AP1G2: variants seen among roughly 807,000 people sequenced by gnomAD.
AP1G2 encodes the protein adaptor related protein complex 1 subunit gamma 2, also known as AP-1 complex subunit gamma-like 2.
AP1G2 carries 85 observed loss-of-function variants against 95.8 expected under a neutral mutation model. The observed-to-expected ratio is 0.89, with a 90% CI of 0.74 to 1.06. The LOEUF is 1.06. Ranked by LOEUF, AP1G2 falls within the 50% of genes least tolerant of loss-of-function variation. The pLI, the probability that AP1G2 is intolerant of heterozygous loss-of-function variation, is 0.00. For missense variants in AP1G2, 967 were observed against 1,005.8 expected (o/e 0.96, Z 0.52); for synonymous variants, 378 against 400.0 (o/e 0.94, Z 0.66).
intron 14 of AP1G2, 64 bp from the exon 15 acceptor site, chr14:23,562,657 C>T: frequency 6.5e-7 from 1 of 1,536,160 alleles, no homozygotes; most frequent in South Asian, 1.2e-5. Flanking sequence ...AATCCCAGCG[C>T]ATTGGGAGGC....
chr14:23,561,354 G>A lies in AP1G2; in HGVS notation c.1935C>T (p.Pro645=). ...GDVQHPPHLD[P]SPGGALVHLL... ...GGTGTACCAGGGCACCTCCTGGGGA[G>A]GGGTCCAGATGGGGAGGATGCTGGA... is the stretch of plus-strand genomic sequence containing the variant. Residue 645 remains proline, a synonymous_variant, in exon 19 of 22, where the codon CCC becomes CCT. Transcript: ENST00000397120. The A allele has an allele frequency of 6.3e-7, 1 of 1,589,406 alleles. No homozygotes were observed. The highest frequency in any genetic ancestry group is 8.6e-7 in the Non-Finnish European group (1 of 1,166,276).
chr14:23,567,429 T>TA lies in AP1G2; in HGVS notation c.-5-111dup. The TA allele has an allele frequency of 7.0e-7, 1 of 1,424,746 alleles. No homozygotes were observed. The highest frequency in any genetic ancestry group is 9.1e-7 in the Non-Finnish European group (1 of 1,097,032). 88.3% of individuals were successfully genotyped at this position (1,424,746 alleles called of 1,614,324 possible). A position where few individuals can be genotyped will look rare whatever the true frequency, so the allele number is the denominator to read the frequency against. ...AAGAGCCCGGGTCCCACAGGTACCC[T>TA]AAAATTGCGCCCGCATTTTACCTTT... On this transcript the variant is annotated intron_variant, in intron 1 of 21. Coordinates refer to ENST00000397120, the MANE Select transcript of AP1G2 (RefSeq NM_003917.5). This position sits in a 1 kb window ranked among gnomAD's most constrained non-coding sequence, Gnocchi z 5.3.
At position 23,561,998 on chromosome 14, in the gene AP1G2, TCCA is replaced by T; in HGVS notation, c.1694_1696del (p.Val565del). On this transcript the variant is annotated inframe_deletion, in exon 17 of 22. Transcript: ENST00000397120. ...GTATTTCCGGAAGAGTGTGTCATAC[TCCA>T]CAGCCCGCTGCTGCAGCTCCACGTC... The T allele has an allele frequency of 6.2e-7, 1 of 1,613,294 alleles. No homozygotes were observed. The highest frequency in any genetic ancestry group is 8.5e-7 in the Non-Finnish European group (1 of 1,179,736).
chr14:23,566,471 T>C, intron 3 of AP1G2, 52 bp from the exon 4 acceptor site: 2 of 1,607,754 alleles, frequency 1.2e-6, no homozygotes, highest in Non-Finnish European at 1.7e-6. Context: ...ATCAGTCCTT[T>C]TCAATACCCA....
At chr14:23,560,075 G>C in intron 20 of AP1G2, 39 bp from the exon 21 acceptor site, 1 of 1,478,734 alleles carries the variant, frequency 6.8e-7, no homozygotes. Context: ...TATGGCAGTA[G>C]GTAGGGCTCA....
Position 23,564,580 on chromosome 14 carries a change from G to A in AP1G2, c.903C>T (p.Arg301=). Residue 301 remains arginine, a synonymous_variant, in exon 9 of 22, where the codon CGC becomes CGT. Coordinates refer to ENST00000397120, the MANE Select transcript of AP1G2 (RefSeq NM_003917.5). The part of the protein sequence containing the change: ...FETVLTIMDI[R]SAAGLRVLAV... ...GTGATACCCGTAGGCCAGCTGCAGA[G>A]CGGATATCCATGATGGTGAGTACTG... 6.2e-7 allele frequency: 1 copy of A among 1,613,446 alleles called. No individual in the cohort carries two copies. The highest frequency in any genetic ancestry group is 8.5e-7 in the Non-Finnish European group (1 of 1,180,000).
intron 16 of AP1G2, 99 bp downstream of exon 16, chr14:23,562,189 G>A: frequency 6.3e-7 from 1 of 1,593,708 alleles, no homozygotes; most frequent in Non-Finnish European, 8.6e-7. Context: ...CTAAGGGCTA[G>A]GGGGTAGGGA....
chr14:23,560,473 T>G, intron 19 of AP1G2, 55 bp from the exon 20 acceptor site: 2 of 1,551,824 alleles, frequency 1.3e-6, no homozygotes, highest in Non-Finnish European at 1.7e-6. Context: ...AACATGTTTG[T>G]TCATTCATTC....
intron 16 of AP1G2, 58 bp from the exon 17 acceptor site, chr14:23,562,124 G>A: frequency 6.2e-7 from 1 of 1,601,812 alleles, no homozygotes. Context: ...GATGTGGCAA[G>A]AAGGAAAGGC....
Position 23,567,592 on chromosome 14 carries a change from C to G in AP1G2, c.-6+147G>C, listed in dbSNP as rs923897889. 9 of 1,251,318 alleles carry G rather than the reference C, an allele frequency of 7.2e-6. No individual in the cohort carries two copies. The East Asian group carries it at 1.8e-4, about 26-fold the overall frequency. 77.5% of individuals were successfully genotyped at this position (1,251,318 alleles called of 1,614,324 possible). A position where few individuals can be genotyped will look rare whatever the true frequency, so the allele number is the denominator to read the frequency against. On this transcript the variant is annotated intron_variant, in intron 1 of 21. Transcript: ENST00000397120. This position sits in a 1 kb window ranked among gnomAD's most constrained non-coding sequence, Gnocchi z 5.3. ...CTATTTCTCTCTACCGTTTCCTCCC[C>G]CTACCTGGTACCCCATCCCTAGCTC...
At position 23,560,855 on chromosome 14, in the gene AP1G2, A is replaced by G. The variant is rs140462515; in HGVS notation, c.1994-437T>C. On this transcript the variant is annotated intron_variant, in intron 19 of 21. Transcript: ENST00000397120. ...ATAGATGCTATGAAGGAAGTAAGTC[A>G]TGCCAGAATAACTGGGGAGAACTGA... 6.3e-3 allele frequency: 1,069 copies of G among 169,446 alleles called. 6 individuals carry two copies. Among genetic ancestry groups the G allele is most frequent in the Non-Finnish European group, 0.011 (848 of 80,364 alleles). The allele number at this position is 169,446 out of a possible 1,614,324, so 10.5% of individuals were successfully genotyped here. A position where few individuals can be genotyped will look rare whatever the true frequency, so the allele number is the denominator to read the frequency against.
In AP1G2 at chr14:23,559,997, C is replaced by A; in HGVS notation, c.2197G>T (p.Val733Phe). The change falls in exon 21 of 22, where the codon GTT becomes TTT. Residue 733 changes from valine to phenylalanine, a missense_variant. Coordinates refer to ENST00000397120, the MANE Select transcript of AP1G2 (RefSeq NM_003917.5). The part of the protein sequence containing the change: ...LQLQAPSGNT[V>F]PARGGLPITQ... ...ATAGGAAGGCCACCCCGAGCTGGAA[C>A]TGTGTTCCCACTGGGGGCCTGCAGC... 2.5e-6 allele frequency: 4 copies of A among 1,612,806 alleles called. No homozygotes were observed. The highest frequency in any genetic ancestry group is 3.4e-6 in the Non-Finnish European group (4 of 1,179,396).
rs1002910558 is a variant in AP1G2 at position 23,564,245 on chromosome 14, G to A, written c.978-86C>T. 6 of 1,613,120 alleles carry A rather than the reference G, an allele frequency of 3.7e-6. No individual in the cohort carries two copies. In the East Asian group the frequency reaches 8.9e-5, roughly 24 times the overall value. On this transcript the variant is annotated intron_variant, in intron 10 of 21. Coordinates refer to ENST00000397120, the MANE Select transcript of AP1G2 (RefSeq NM_003917.5). ...TCCTGGGTATAGGGATAAGATAAGA[G>A]AGAAATGGATCAGGAGGCTCTGGAG...
chr14:23,562,638 C>G (rs762766673), intron 14 of AP1G2, 45 bp from the exon 15 acceptor site: 9 of 1,579,544 alleles, frequency 5.7e-6, no homozygotes, highest in Middle Eastern at 3.4e-4. Flanking sequence ...CATGGTGGCT[C>G]AAGCCTGTAA....
rs757516501 is a variant in AP1G2, at chr14:23,564,657, C to T, written c.826G>A (p.Ala276Thr). 4.3e-6 allele frequency: 7 copies of T among 1,613,638 alleles called. No individual in the cohort carries two copies. Among genetic ancestry groups the T allele is most frequent in the Non-Finnish European group, 5.9e-6 (7 of 1,179,928 alleles). ...TTTCGGCTGGTGTCCGTGTTAGTGG[C>T]CACCTGAGTGGATGAGAGAGGAGAT... Reference protein sequence around the residue: ...ETMNDLLAQVATNTDTSRNAG... With the variant: ...ETMNDLLAQVTTNTDTSRNAG... The change falls in exon 9 of 22, where the codon GCC (alanine) becomes ACC (threonine). Residue 276 changes from alanine (A) to threonine (T), a missense_variant. Transcript: ENST00000397120.
At chr14:23,566,865 A>T (rs1888289572) in intron 2 of AP1G2, 179 bp from the exon 3 acceptor site, 3 of 1,001,214 alleles carry the variant, frequency 3.0e-6, no homozygotes, top group East Asian at 2.6e-5. Context: ...AGGAACTAGG[A>T]GTTGAGGAGG....
In AP1G2 at chr14:23,567,531, G is replaced by A. The variant is rs960459481; in HGVS notation, c.-6+208C>T. 1.5e-5 allele frequency: 20 copies of A among 1,353,382 alleles called. No individual in the cohort carries two copies. The highest frequency in any genetic ancestry group is 1.9e-5 in the South Asian group (1 of 53,076). 83.8% of individuals were successfully genotyped at this position (1,353,382 alleles called of 1,614,324 possible). ...CTACGCATGCGTCCGCACCCCACCG[G>A]CGCCCCTTCCTATTGAGCATGCGCG... On this transcript the variant is annotated intron_variant, in intron 1 of 21. Coordinates refer to ENST00000397120, the MANE Select transcript of AP1G2 (RefSeq NM_003917.5). The surrounding 1 kb of genome is among the most constrained non-coding windows in gnomAD (Gnocchi z 5.3).
At chr14:23,565,030 C>G in intron 8 of AP1G2, 89 bp downstream of exon 8, 2 of 1,237,472 alleles carry the variant, frequency 1.6e-6, no homozygotes, top group African/African-American at 3.0e-5. Flanking sequence ...ATTACACGGC[C>G]ACTGCACAGT....
At position 23,562,295 on chromosome 14, in the gene AP1G2, C is replaced by T; in HGVS notation, c.1621G>A (p.Asp541Asn). The T allele has an allele frequency of 6.2e-7, 1 of 1,614,140 alleles. No individual in the cohort carries two copies. Among genetic ancestry groups the T allele is most frequent in the Admixed American group, 1.7e-5 (1 of 60,024 alleles). The change falls in exon 16 of 22, where the codon GAC becomes AAC. Residue 541 changes from aspartate (D) to asparagine (N), a missense_variant. Coordinates refer to ENST00000397120, the MANE Select transcript of AP1G2 (RefSeq NM_003917.5). ...LMKLSTRLCG[D>N]NNRIRQVVSI... Reference sequence around the variant, plus strand: ...GCTGGGACCCCTTCTTACTTGTTGTCCCCACAGAGGCGAGTGCTGAGCTTC... The same window carrying T: ...GCTGGGACCCCTTCTTACTTGTTGTTCCCACAGAGGCGAGTGCTGAGCTTC...
Sources: allele counts gnomAD v4.1 joint callset, GRCh38; gene constraint gnomAD v4.1.1; non-coding constraint Gnocchi (gnomAD v3.1); transcripts MANE v1.5; gene names NCBI Gene and HGNC (gene_info 2026-07-23, HGNC 2026-07-21).